Variants in TOP1 observed in about 807,000 individuals in gnomAD.
The protein encoded by TOP1 is DNA topoisomerase I.
In TOP1, 10 loss-of-function variants were observed where a neutral mutation model predicts 111.1. The ratio of observed to expected loss-of-function variants is 0.09; its 90% CI spans 0.06 to 0.15. The LOEUF (loss-of-function observed/expected upper bound fraction) is 0.15, where lower values mean the gene tolerates loss of function less well. TOP1 is among the 10% of genes least tolerant of loss of function. The pLI is 1.00. For missense variants in TOP1, 474 were observed against 926.7 expected (o/e 0.51, Z 6.34); for synonymous variants, 271 against 302.9 (o/e 0.89, Z 1.10).
chr20:41,123,554 A>C lies in TOP1; in HGVS notation c.*257A>C. 2.6e-6 allele frequency: 1 copy of C among 377,896 alleles called. No individual in the cohort carries two copies. The highest frequency in any genetic ancestry group is 4.8e-6 in the Non-Finnish European group (1 of 209,786). 23.4% of individuals were successfully genotyped at this position (377,896 alleles called of 1,614,324 possible). On this transcript the variant is annotated 3_prime_UTR_variant, in exon 21 of 21. Coordinates refer to ENST00000361337, the MANE Select transcript of TOP1 (RefSeq NM_003286.4). This position sits in a 1 kb window ranked among gnomAD's most constrained non-coding sequence, Gnocchi z 5.8. ...TGTTTTGAATTTTGTTTTTATTTTCAAGAGGGCAAGTGGATGGGAATTTGT... is the reference window on the plus strand; with the variant it reads ...TGTTTTGAATTTTGTTTTTATTTTCCAGAGGGCAAGTGGATGGGAATTTGT...
In TOP1 at chr20:41,122,405, C is replaced by G. The variant is rs1009914375; in HGVS notation, c.2195+250C>G. On this transcript the variant is annotated intron_variant, in intron 20 of 20. Coordinates refer to ENST00000361337, the MANE Select transcript of TOP1 (RefSeq NM_003286.4). The surrounding 1 kb of genome is among the most constrained non-coding windows in gnomAD (Gnocchi z 5.4). ...CCTTGTAGTGTATATTTTTAAGAGG[C>G]AGGTGCCATCCCTATTCCTAATGGA... Among the ~76,000 whole-genome samples the G allele has an allele frequency of 1.3e-5, 2 of 152,178 alleles. No homozygotes were observed. The highest frequency in any genetic ancestry group is 2.9e-5 in the Non-Finnish European group (2 of 68,036).
chr20:41,108,751 C>G (rs79611331), intron 13 of TOP1, among the ~76,000 whole-genome samples: 1 of 152,116 alleles, frequency 6.6e-6, no homozygotes, highest in African/African-American at 2.4e-5. Flanking sequence ...CTGGAACCTG[C>G]AGTTTCAACC....
intron 2 of TOP1, among the ~76,000 whole-genome samples, chr20:41,031,565 A>G (rs780167425): frequency 6.6e-6 from 1 of 152,248 alleles, no homozygotes; most frequent in Non-Finnish European, 1.5e-5. Context: ...AATAGCTAAT[A>G]TTTATTGAAT....
intron 3 of TOP1, among the ~76,000 whole-genome samples, chr20:41,075,099 G>A (rs2033710787): frequency 6.6e-6 from 1 of 152,060 alleles, no homozygotes; most frequent in African/African-American, 2.4e-5. Context: ...GGGTTTGTTT[G>A]TTCGTTTTTG....
chr20:41,111,612 T>TTTG (rs1197688688), intron 13 of TOP1, among the ~76,000 whole-genome samples: 8 of 133,262 alleles, frequency 6.0e-5, no homozygotes, highest in Non-Finnish European at 8.0e-5. Flanking sequence ...CTTTTTTTTT[T>TTTG]TTTTGATAGG....
chr20:41,029,371 C>T lies in TOP1; in HGVS notation c.34-60C>T. 4 of 1,420,062 alleles carry T rather than the reference C, an allele frequency of 2.8e-6. No individual in the cohort carries two copies. Among genetic ancestry groups the T allele is most frequent in the South Asian group, 3.1e-5 (2 of 65,102 alleles). The allele number at this position is 1,420,062 out of a possible 1,614,324, so 88.0% of individuals were successfully genotyped here. Reference sequence around the variant, plus strand: ...GTGAGCCAGACCCCGGCCGCGCGCGCTCGCCGCCGGAGGGGTTAAAGTGGC... The same window carrying T: ...GTGAGCCAGACCCCGGCCGCGCGCGTTCGCCGCCGGAGGGGTTAAAGTGGC... On this transcript the variant is annotated intron_variant, in intron 1 of 20. Transcript: ENST00000361337. This position sits in a 1 kb window ranked among gnomAD's most constrained non-coding sequence, Gnocchi z 6.1.
In TOP1 at chr20:41,039,041, C is replaced by T. The variant is rs2033226031; in HGVS notation, c.58+9586C>T. On this transcript the variant is annotated intron_variant, in intron 2 of 20. Coordinates refer to ENST00000361337, the MANE Select transcript of TOP1 (RefSeq NM_003286.4). Reference sequence around the variant, plus strand: ...ATCTTTGGCAGTGATTAACTTTCTCCTTTCACACTTGGGATGGTGCAATAT... The same window carrying T: ...ATCTTTGGCAGTGATTAACTTTCTCTTTTCACACTTGGGATGGTGCAATAT... 4.6e-5 allele frequency among the ~76,000 whole-genome samples: 7 copies of T among 152,074 alleles called. No homozygotes were observed. The South Asian group carries it at 1.5e-3, about 32-fold the overall frequency.
Position 41,045,568 on chromosome 20 carries a change from C to T in TOP1, c.59-15826C>T, listed in dbSNP as rs147944296. Among the ~76,000 whole-genome samples the T allele has an allele frequency of 6.7e-3, 1,022 of 152,202 alleles. 13 individuals carry two copies. Among genetic ancestry groups the T allele is most frequent in the African/African-American group, 0.024 (977 of 41,524 alleles). On this transcript the variant is annotated intron_variant, in intron 2 of 20. Transcript: ENST00000361337. Reference sequence around the variant, plus strand: ...CCTATGAGGTAGGTTATGTCTGTTGCGTAGTTGACAAAACAGATGAACTTA... The same window carrying T: ...CCTATGAGGTAGGTTATGTCTGTTGTGTAGTTGACAAAACAGATGAACTTA...
At chr20:41,096,833 T>C (rs1408756389) in intron 9 of TOP1, among the ~76,000 whole-genome samples, 1 of 152,196 alleles carries the variant, frequency 6.6e-6, no homozygotes, top group African/African-American at 2.4e-5. Context: ...CAGAGGCTGC[T>C]TAGCTTAGCA....
intron 2 of TOP1, among the ~76,000 whole-genome samples, chr20:41,036,634 T>A (rs867061099): frequency 9.2e-5 from 14 of 152,072 alleles, no homozygotes; most frequent in African/African-American, 3.4e-4. Flanking sequence ...GTATTCCCTG[T>A]TAAAGTTTTA....
chr20:41,104,476 T>C (rs929090177), intron 13 of TOP1, among the ~76,000 whole-genome samples: 13 of 152,188 alleles, frequency 8.5e-5, no homozygotes, highest in African/African-American at 3.1e-4. Flanking sequence ...GTTAATTAAT[T>C]GTTGGAGCCT....
chr20:41,053,264 T>C (rs184370181), intron 2 of TOP1, among the ~76,000 whole-genome samples: 4 of 152,202 alleles, frequency 2.6e-5, no homozygotes, highest in African/African-American at 9.6e-5. Flanking sequence ...CAACTCCCTC[T>C]TAGCTTTCAG....
In TOP1 at chr20:41,076,281, G is replaced by T; in HGVS notation, c.266G>T (p.Arg89Leu). The T allele has an allele frequency of 6.2e-7, 1 of 1,608,736 alleles. No homozygotes were observed. The highest frequency in any genetic ancestry group is 8.5e-7 in the Non-Finnish European group (1 of 1,178,084). The change falls in exon 4 of 21, where the codon CGA becomes CTA. Residue 89 changes from arginine (R) to leucine (L), a missense_variant. Arg to Leu is a moderately radical substitution (Grantham distance 102, BLOSUM62 -2). Around this residue, in one of 14 missense-constraint regions of TOP1, gnomAD observed 185 missense variants for 226.3 expected, o/e 0.82. Transcript: ENST00000361337. ...CATAAAGACAGAGACAAGGAAAAAC[G>T]AAAAGAGGAAAAGGTACAGAGTTTT... Reference protein sequence around the residue: ...DKHKDRDKEKRKEEKVRASGD... With the variant: ...DKHKDRDKEKLKEEKVRASGD...
Position 41,102,692 on chromosome 20 carries a change from A to T in TOP1, c.1308+1339A>T, listed in dbSNP as rs2034082617. On this transcript the variant is annotated intron_variant, in intron 13 of 20. Transcript: ENST00000361337. The surrounding 1 kb of genome is among the most constrained non-coding windows in gnomAD (Gnocchi z 4.0). ...GTACAAAATCAGAAAGCGAACACTT[A>T]TGTTGAGCAGACTAGTCATTTAAAG... Among the ~76,000 whole-genome samples, 2 of 152,216 alleles carry T rather than the reference A, an allele frequency of 1.3e-5. No homozygotes were observed. The highest frequency in any genetic ancestry group is 4.8e-5 in the African/African-American group (2 of 41,456).
In TOP1 at chr20:41,120,750, C is replaced by CT. The variant is rs1555808042; in HGVS notation, c.1951-937dup. Among the ~76,000 whole-genome samples the CT allele has an allele frequency of 2.3e-3, 351 of 151,552 alleles. 1 individual carries two copies. The highest frequency in any genetic ancestry group is 6.7e-3 in the African/African-American group (276 of 41,362). Reference sequence around the variant, plus strand: ...GTCCTTCCCACCTCAGACTTCTCTCCTTTTTTTTTGAGACGGAGTCTCGCT... The same window carrying CT: ...GTCCTTCCCACCTCAGACTTCTCTCCTTTTTTTTTTGAGACGGAGTCTCGCT... On this transcript the variant is annotated intron_variant, in intron 18 of 20. Coordinates refer to ENST00000361337, the MANE Select transcript of TOP1 (RefSeq NM_003286.4).
Position 41,101,938 on chromosome 20 carries a change from A to C in TOP1, c.1308+585A>C, listed in dbSNP as rs1200115575. 6.6e-6 allele frequency among the ~76,000 whole-genome samples: 1 copy of C among 152,238 alleles called. No homozygotes were observed. Among genetic ancestry groups the C allele is most frequent in the African/African-American group, 2.4e-5 (1 of 41,452 alleles). ...TGTTATTTATTGATAGTGTTATTGC[A>C]AGGAGATAACTGCCTTGGGGGAAAT... On this transcript the variant is annotated intron_variant, in intron 13 of 20. Coordinates refer to ENST00000361337, the MANE Select transcript of TOP1 (RefSeq NM_003286.4). This position sits in a 1 kb window ranked among gnomAD's most constrained non-coding sequence, Gnocchi z 4.1.
intron 7 of TOP1, 26 bp downstream of exon 7, chr20:41,081,266 G>A (rs1213500937): frequency 6.3e-7 from 1 of 1,577,084 alleles, no homozygotes; most frequent in Admixed American, 1.9e-5. Flanking sequence ...TAGGTCCTTT[G>A]GGGCTTGAGT....
At position 41,089,020 on chromosome 20, in the gene TOP1, C is replaced by CTTTTTTTTTTT. The variant is rs59200685; in HGVS notation, c.615-3440_615-3430dup. On this transcript the variant is annotated intron_variant, in intron 8 of 20. Transcript: ENST00000361337. ...TCCCCACTTCTCTGTTGCCCCAGTT[C>CTTTTTTTTTTT]TTTTTTTTTTTTTTTTTTTTTTGAG... Among the ~76,000 whole-genome samples the CTTTTTTTTTTT allele has an allele frequency of 3.1e-3, 245 of 77,898 alleles. 31 individuals are homozygous for CTTTTTTTTTTT. The highest frequency in any genetic ancestry group is 6.9e-3 in the African/African-American group (109 of 15,820). 51.1% of individuals were successfully genotyped at this position (77,898 alleles called of 152,430 possible).
At position 41,112,790 on chromosome 20, in the gene TOP1, G is replaced by A. The variant is rs2034263708; in HGVS notation, c.1317G>A (p.Lys439=). 1 of 1,614,064 alleles carries A rather than the reference G, an allele frequency of 6.2e-7. No individual in the cohort carries two copies. The highest frequency in any genetic ancestry group is 1.3e-5 in the African/African-American group (1 of 74,926). ...GGTTTGGGTCTTTACAGGGTGAGAA[G>A]GACTGGCAGAAATACGAGACTGCTC... The part of the protein sequence containing the change: ...LNPSSRIKGE[K]DWQKYETARR... The change falls in exon 14 of 21, where the codon AAG becomes AAA. Residue 439 remains lysine (K), a synonymous_variant. Transcript: ENST00000361337. The surrounding 1 kb of genome is among the most constrained non-coding windows in gnomAD (Gnocchi z 5.8).
Sources: allele counts gnomAD v4.1 joint callset (sites outside exome capture counted in the v4.1 genomes callset), GRCh38; gene constraint gnomAD v4.1.1; regional missense constraint gnomAD v4.1.1; non-coding constraint Gnocchi (gnomAD v3.1); transcripts MANE v1.5; gene names NCBI Gene and HGNC (gene_info 2026-07-23, HGNC 2026-07-21).